RNF169: variants seen among roughly 807,000 people sequenced by gnomAD.
RNF169 encodes the protein ring finger protein 169.
A neutral mutation model predicts 53.9 loss-of-function variants in RNF169; 24 were observed. The observed-to-expected ratio is 0.45, with a 90% CI of 0.32 to 0.63. The LOEUF (loss-of-function observed/expected upper bound fraction) is 0.63, where lower values mean the gene tolerates loss of function less well. Among genes scored for constraint, RNF169 ranks in the 20% least tolerant of loss-of-function variants. The probability of loss-of-function intolerance (pLI) is 0.04; values close to 1 mark genes in which losing one functional copy is unlikely to be tolerated. For synonymous variants in RNF169, 396 were observed against 363.5 expected (o/e 1.09, Z -1.02); for missense variants, 883 against 906.2 (o/e 0.97, Z 0.33).
rs1446522215 is a variant in RNF169, at chr11:74,789,689, G to A, written c.566G>A (p.Ser189Asn). The A allele has an allele frequency of 6.3e-7, 1 of 1,590,164 alleles. No individual in the cohort carries two copies. Among genetic ancestry groups the A allele is most frequent in the Non-Finnish European group, 8.6e-7 (1 of 1,158,722 alleles). Residue 189 changes from serine (S) to asparagine (N), a missense_variant, in exon 2 of 6, where the codon AGC (serine) becomes AAC (asparagine). Around this residue, in one of 3 missense-constraint regions of RNF169, gnomAD observed 219 missense variants for 289.1 expected, o/e 0.76. Coordinates refer to ENST00000299563, the MANE Select transcript of RNF169 (RefSeq NM_001098638.2). ...GGGGAACTTCGTGAGGAATATGAAA[G>A]CTTGAGAAAGGTATAGTATTATCAT... is the stretch of plus-strand genomic sequence containing the variant. The part of the protein sequence containing the change: ...KPGELREEYE[S>N]LRKLREEKLQ...
intron 1 of RNF169, among the ~76,000 whole-genome samples, chr11:74,787,889 C>G (rs1308661205): frequency 6.6e-6 from 1 of 152,178 alleles, no homozygotes; most frequent in Non-Finnish European, 1.5e-5. Context: ...GAGATTTAAA[C>G]TCACCTTGTT....
At chr11:74,786,499 G>T (rs2035506112) in intron 1 of RNF169, among the ~76,000 whole-genome samples, 1 of 152,072 alleles carries the variant, frequency 6.6e-6, no homozygotes, top group Non-Finnish European at 1.5e-5. Context: ...TTGACCTCAA[G>T]AGATCCTCTC....
At chr11:74,758,885 T>C (rs1000924546) in intron 1 of RNF169, among the ~76,000 whole-genome samples, 2 of 149,656 alleles carry the variant, frequency 1.3e-5, no homozygotes, top group African/African-American at 4.9e-5. Flanking sequence ...ATTGAATCTG[T>C]AAATTACCTT....
intron 2 of RNF169, chr11:74,808,331 T>A (rs1248299110): frequency 6.6e-6 from 1 of 152,072 alleles, no homozygotes; most frequent in Non-Finnish European, 1.5e-5. Context: ...AAACAGGAAA[T>A]GTAATATTTA....
At chr11:74,830,808 A>G (rs1217026829) in intron 4 of RNF169, 1 of 152,166 alleles carries the variant, frequency 6.6e-6, no homozygotes, top group Non-Finnish European at 1.5e-5. Flanking sequence ...GCATTTTTTT[A>G]AAAGAATTAT....
intron 1 of RNF169, among the ~76,000 whole-genome samples, chr11:74,776,511 CA>C (rs766527055): frequency 0.025 from 2,060 of 82,014 alleles, 21 homozygotes; most frequent in African/African-American, 0.053. Flanking sequence ...TTCATTCAGC[CA>C]AAAAAAAAAA....
At chr11:74,809,653 C>T (rs916687053) in intron 2 of RNF169, among the ~76,000 whole-genome samples, 3 of 152,236 alleles carry the variant, frequency 2.0e-5, no homozygotes, top group African/African-American at 7.2e-5. Flanking sequence ...GACCCCATCT[C>T]TACTATTATA....
At position 74,763,912 on chromosome 11, in the gene RNF169, T is replaced by A. The variant is rs1010946442; in HGVS notation, c.502+14530T>A. On this transcript the variant is annotated intron_variant, in intron 1 of 5. Coordinates refer to ENST00000299563, the MANE Select transcript of RNF169 (RefSeq NM_001098638.2). ...CTCAGGCTTGAGTACAATGGTGTGA[T>A]CATAGCTTGCTGCAGCCTTGACCTC... 3.3e-5 allele frequency among the ~76,000 whole-genome samples: 5 copies of A among 152,186 alleles called. 1 individual carries two copies. Among genetic ancestry groups the A allele is most frequent in the Admixed American group, 2.0e-4 (3 of 15,276 alleles).
chr11:74,831,326 T>A (rs2036174510), intron 4 of RNF169: 1 of 152,108 alleles, frequency 6.6e-6, no homozygotes, highest in African/African-American at 2.4e-5. Flanking sequence ...CACACAAAAA[T>A]CAGTTGCATT....
chr11:74,762,587 A>C (rs2035104629), intron 1 of RNF169, among the ~76,000 whole-genome samples: 1 of 152,154 alleles, frequency 6.6e-6, no homozygotes, highest in Admixed American at 6.6e-5. Context: ...TGCGTCGCTC[A>C]CGCTGGGAGC....
Position 74,749,350 on chromosome 11 carries a change from A to G in RNF169, c.470A>G (p.Glu157Gly). ...GCGGCTGCCGCGGGGCCCAGGCCAG[A>G]GCAGGAGCCGCGTGCCGCGCCTGCG... is the stretch of plus-strand genomic sequence containing the variant. ...GGAAAAGPRP[E>G]QEPRAAPAEP... Residue 157 changes from glutamate (E) to glycine (G), a missense_variant, in exon 1 of 6, where the codon GAG becomes GGG. By Grantham distance (98) the Glu-to-Gly change is moderately conservative. Around this residue, in one of 3 missense-constraint regions of RNF169, gnomAD observed 313 missense variants for 279.9 expected, o/e 1.12. Transcript: ENST00000299563. 8.1e-7 allele frequency: 1 copy of G among 1,227,060 alleles called. No homozygotes were observed. The highest frequency in any genetic ancestry group is 3.2e-5 in the East Asian group (1 of 31,448). The allele number at this position is 1,227,060 out of a possible 1,614,324, so 76.0% of individuals were successfully genotyped here.
Position 74,748,957 on chromosome 11 carries a change from G to T in RNF169, c.77G>T (p.Gly26Val). The change falls in exon 1 of 6, where the codon GGC (glycine) becomes GTC (valine). Residue 26 changes from glycine (G) to valine (V), a missense_variant. Gly to Val is a moderately radical substitution (Grantham distance 109). Transcript: ENST00000299563. ...GCTCTGAGTCGGCGGGGCCGGCGGG[G>T]CCGCTGTGACGAGACGGCGGCAGCT... is the stretch of plus-strand genomic sequence containing the variant. ...AAALSRRGRR[G>V]RCDETAAAKT... The T allele has an allele frequency of 6.8e-7, 1 of 1,470,490 alleles. No homozygotes were observed. The highest frequency in any genetic ancestry group is 9.1e-7 in the Non-Finnish European group (1 of 1,099,664). 91.1% of individuals were successfully genotyped at this position (1,470,490 alleles called of 1,614,324 possible). A position where few individuals can be genotyped will look rare whatever the true frequency, so the allele number is the denominator to read the frequency against.
chr11:74,768,751 A>C (rs1459644090), intron 1 of RNF169, among the ~76,000 whole-genome samples: 3 of 152,140 alleles, frequency 2.0e-5, no homozygotes, highest in Non-Finnish European at 2.9e-5. Flanking sequence ...ACCACATTAA[A>C]GTTAAAAATT....
chr11:74,825,604 A>G (rs530842060), intron 4 of RNF169, among the ~76,000 whole-genome samples: 39 of 152,300 alleles, frequency 2.6e-4, no homozygotes, highest in African/African-American at 9.4e-4. Context: ...TACAGAAACT[A>G]TTCCAAAAAA....
At chr11:74,833,220 T>C (rs2036205652) in intron 4 of RNF169, among the ~76,000 whole-genome samples, 2 of 152,156 alleles carry the variant, frequency 1.3e-5, no homozygotes. Context: ...ACTAGAGATG[T>C]AGGGAGAAGA....
At position 74,749,039 on chromosome 11, in the gene RNF169, G is replaced by A. The variant is rs1333321421; in HGVS notation, c.159G>A (p.Pro53=). ...CTTCGCTGTTGGTGTTGTCGCCGCC[G>A]TTGCTGCAGCCGCCGCTGCCGCCGC... is the stretch of plus-strand genomic sequence containing the variant. ...SGPSLLVLSP[P]LLQPPLPPRP... Residue 53 remains proline, a synonymous_variant, in exon 1 of 6, where the codon CCG becomes CCA. Coordinates refer to ENST00000299563, the MANE Select transcript of RNF169 (RefSeq NM_001098638.2). 1 of 1,471,388 alleles carries A rather than the reference G, an allele frequency of 6.8e-7. No homozygotes were observed. Among genetic ancestry groups the A allele is most frequent in the East Asian group, 3.0e-5 (1 of 33,786 alleles). 91.1% of individuals were successfully genotyped at this position (1,471,388 alleles called of 1,614,324 possible). A position where few individuals can be genotyped will look rare whatever the true frequency, so the allele number is the denominator to read the frequency against.
chr11:74,753,721 T>C (rs77721828), intron 1 of RNF169, among the ~76,000 whole-genome samples: 4 of 147,418 alleles, frequency 2.7e-5, no homozygotes, highest in African/African-American at 1.0e-4. Context: ...ACGTTCTTAA[T>C]TTTTTTTTTA....
At position 74,841,961 on chromosome 11, in the gene RNF169, A is replaced by G. The variant is rs1318135448; in HGVS notation, c.*5231A>G. 1.3e-5 allele frequency: 2 copies of G among 152,254 alleles called. No homozygotes were observed. Among genetic ancestry groups the G allele is most frequent in the Non-Finnish European group, 2.9e-5 (2 of 68,032 alleles). 9.4% of individuals were successfully genotyped at this position (152,254 alleles called of 1,614,324 possible). A position where few individuals can be genotyped will look rare whatever the true frequency, so the allele number is the denominator to read the frequency against. ...GAGCACTTAAAAGTCCTAGTGAGAG[A>G]ATAGATACTATGCAAGGGAAAAAAA... On this transcript the variant is annotated 3_prime_UTR_variant, in exon 6 of 6. Coordinates refer to ENST00000299563, the MANE Select transcript of RNF169 (RefSeq NM_001098638.2).
Position 74,836,660 on chromosome 11 carries a change from C to A in RNF169, c.2057C>A (p.Thr686Asn), listed in dbSNP as rs369087935. Residue 686 changes from threonine (T) to asparagine (N), a missense_variant, in exon 6 of 6, where the codon ACT becomes AAT. Physicochemically the swap from Thr to Asn is moderately conservative, Grantham distance 65 (BLOSUM62 0). Transcript: ENST00000299563. The part of the protein sequence containing the change: ...LQRMFDNERR[T>N]VSRRKGSVDQ... ...CGCATGTTCGACAATGAGAGGCGGA[C>A]TGTGAGCCGGCGAAAAGGAAGTGTG... 9.3e-6 allele frequency: 15 copies of A among 1,613,758 alleles called. No homozygotes were observed. The highest frequency in any genetic ancestry group is 4.0e-5 in the African/African-American group (3 of 74,932).
Sources: allele counts gnomAD v4.1 joint callset (sites outside exome capture counted in the v4.1 genomes callset), GRCh38; gene constraint gnomAD v4.1.1; regional missense constraint gnomAD v4.1.1; transcripts MANE v1.5; gene names NCBI Gene and HGNC (gene_info 2026-07-23, HGNC 2026-07-21).